The following ZMAT4 variants were observed in gnomAD, a reference collection of about 807,000 sequenced individuals.
The protein encoded by ZMAT4 is zinc finger matrin-type 4, also known as zinc finger matrin-type protein 4.
ZMAT4 carries 17 observed loss-of-function variants against 28.7 expected under a neutral mutation model. The observed-to-expected ratio is 0.59, with a 90% CI of 0.41 to 0.89. The LOEUF (loss-of-function observed/expected upper bound fraction) is 0.89, where lower values mean the gene tolerates loss of function less well. ZMAT4 is among the 40% of genes least tolerant of loss of function. ZMAT4 has a pLI of 0.00. For missense variants in ZMAT4, 240 were observed against 283.8 expected, an observed-to-expected ratio of 0.85 and a Z score of 1.11; for synonymous variants, 117 against 109.2, an observed-to-expected ratio of 1.07 and a Z score of -0.44.
At chr8:40,834,757 C>A (rs1816415437) in intron 1 of ZMAT4, among the ~76,000 whole-genome samples, 1 of 152,212 alleles carries the variant, frequency 6.6e-6, no homozygotes, top group African/African-American at 2.4e-5. Context: ...CCTTCTGGAA[C>A]ATCTCCTTAC....
chr8:40,735,242 C>T (rs1322818750), intron 3 of ZMAT4, among the ~76,000 whole-genome samples: 1 of 152,200 alleles, frequency 6.6e-6, no homozygotes, highest in Non-Finnish European at 1.5e-5. Context: ...ATACCCATTA[C>T]TTAAGCACAG....
At chr8:40,731,948 T>A (rs1272881064) in intron 3 of ZMAT4, among the ~76,000 whole-genome samples, 1 of 152,194 alleles carries the variant, frequency 6.6e-6, no homozygotes, top group Non-Finnish European at 1.5e-5. Context: ...GTGGACATTA[T>A]GCTAAGTGAA....
intron 1 of ZMAT4, among the ~76,000 whole-genome samples, chr8:40,893,189 C>T (rs1189253360): frequency 6.6e-6 from 1 of 152,178 alleles, no homozygotes; most frequent in Non-Finnish European, 1.5e-5. Context: ...TCTGTTACAA[C>T]ATCTTCCGAG....
intron 3 of ZMAT4, among the ~76,000 whole-genome samples, chr8:40,724,361 G>C (rs1220403910): frequency 2.6e-5 from 4 of 152,214 alleles, no homozygotes; most frequent in Non-Finnish European, 4.4e-5. Context: ...TAAGCTGTCA[G>C]ATTTGGAGCT....
chr8:40,883,203 G>C (rs1391274162), intron 1 of ZMAT4, among the ~76,000 whole-genome samples: 1 of 152,196 alleles, frequency 6.6e-6, no homozygotes, highest in African/African-American at 2.4e-5. Flanking sequence ...GTCCTGGGCA[G>C]AGCAGTCTCC....
chr8:40,553,775 A>G (rs1215874263), intron 6 of ZMAT4, among the ~76,000 whole-genome samples: 2 of 152,188 alleles, frequency 1.3e-5, no homozygotes, highest in African/African-American at 4.8e-5. Flanking sequence ...TTCCATCTCT[A>G]TTACACTTTC....
intron 2 of ZMAT4, among the ~76,000 whole-genome samples, chr8:40,780,587 G>C (rs186212507): frequency 6.6e-6 from 1 of 152,228 alleles, no homozygotes; most frequent in Non-Finnish European, 1.5e-5. Flanking sequence ...TATGAACCAA[G>C]ACTTTTAAAT....
At chr8:40,893,211 G>A (rs1818753899) in intron 1 of ZMAT4, among the ~76,000 whole-genome samples, 1 of 152,150 alleles carries the variant, frequency 6.6e-6, no homozygotes. Flanking sequence ...TGCCCTCATG[G>A]ATTCCAGCTC....
intron 2 of ZMAT4, among the ~76,000 whole-genome samples, chr8:40,820,611 T>C (rs1177158150): frequency 1.6e-5 from 2 of 123,198 alleles, no homozygotes; most frequent in African/African-American, 2.9e-5. Flanking sequence ...AGTGCATGTG[T>C]GTGTATGTGT....
chr8:40,581,177 T>C lies in ZMAT4; in HGVS notation c.662A>G (p.Lys221Arg), dbSNP rs1804451802. The C allele has an allele frequency of 1.9e-6, 3 of 1,613,038 alleles. No homozygotes were observed. The highest frequency in any genetic ancestry group is 2.5e-6 in the Non-Finnish European group (3 of 1,179,346). Residue 221 changes from lysine (K) to arginine (R), a missense_variant, in exon 6 of 7, where the codon AAA (lysine) becomes AGA (arginine). Coordinates refer to ENST00000297737, the MANE Select transcript of ZMAT4 (RefSeq NM_024645.3). ...CAAAAGTACCTACTTGGTCTGGTGTTTAGATCCTTTCAGATGGGCATGATA... is the reference window on the plus strand; with the variant it reads ...CAAAAGTACCTACTTGGTCTGGTGTCTAGATCCTTTCAGATGGGCATGATA... ...EQYHAHLKGS[K>R]HQTNLKNK
intron 5 of ZMAT4, among the ~76,000 whole-genome samples, chr8:40,613,167 T>TTTTA (rs1224003306): frequency 1.5e-4 from 14 of 92,892 alleles, no homozygotes; most frequent in Non-Finnish European, 1.0e-4. Context: ...TTTCTTTCTT[T>TTTTA]CTTACTTTCT....
At chr8:40,865,104 C>T (rs146001918) in intron 1 of ZMAT4, among the ~76,000 whole-genome samples, 4 of 152,230 alleles carry the variant, frequency 2.6e-5, no homozygotes, top group East Asian at 1.9e-4. Flanking sequence ...TTTAAACGTA[C>T]GCTTTTTGCA....
chr8:40,645,874 T>C (rs1246524814), intron 5 of ZMAT4, among the ~76,000 whole-genome samples: 2 of 152,266 alleles, frequency 1.3e-5, no homozygotes, highest in East Asian at 3.9e-4. Context: ...AATATGTATA[T>C]ATAATGTATA....
At chr8:40,670,040 C>A (rs1260073514) in intron 5 of ZMAT4, among the ~76,000 whole-genome samples, 1 of 152,158 alleles carries the variant, frequency 6.6e-6, no homozygotes, top group Non-Finnish European at 1.5e-5. Flanking sequence ...AGCTTTTATG[C>A]AAGATTGATT....
At chr8:40,611,369 T>C (rs535219861) in intron 5 of ZMAT4, among the ~76,000 whole-genome samples, 39 of 152,270 alleles carry the variant, frequency 2.6e-4, no homozygotes, top group African/African-American at 9.1e-4. Flanking sequence ...TTTTTTTTTT[T>C]TAAGATGGAG....
intron 5 of ZMAT4, among the ~76,000 whole-genome samples, chr8:40,657,255 A>G (rs1344692116): frequency 6.6e-6 from 1 of 152,144 alleles, no homozygotes; most frequent in Non-Finnish European, 1.5e-5. Flanking sequence ...TAATACACGT[A>G]TTTATCATTC....
At chr8:40,867,307 G>A (rs1178438912) in intron 1 of ZMAT4, among the ~76,000 whole-genome samples, 1 of 145,916 alleles carries the variant, frequency 6.9e-6, no homozygotes, top group African/African-American at 2.6e-5. Context: ...ATTTGTGTTG[G>A]GCCACATTCT....
rs528450615 is a variant in ZMAT4, at chr8:40,552,780, A to G, written c.675-20542T>C. Among the ~76,000 whole-genome samples, 6 of 152,250 alleles carry G rather than the reference A, an allele frequency of 3.9e-5. No homozygotes were observed. The East Asian group carries it at 9.7e-4, about 25-fold the overall frequency. On this transcript the variant is annotated intron_variant, in intron 6 of 6. Coordinates refer to ENST00000297737, the MANE Select transcript of ZMAT4 (RefSeq NM_024645.3). Reference sequence around the variant, plus strand: ...GCCTCTTTAACTTTGACTATAGCGCAATGTAGTAGTGTTAAAAATACATCC... The same window carrying G: ...GCCTCTTTAACTTTGACTATAGCGCGATGTAGTAGTGTTAAAAATACATCC...
chr8:40,618,247 G>C (rs917279676), intron 5 of ZMAT4, among the ~76,000 whole-genome samples: 1 of 152,106 alleles, frequency 6.6e-6, no homozygotes. Flanking sequence ...CAAATTCTTT[G>C]TCCTGGCATG....
Sources: gnomAD v4.1 joint callset for allele counts (sites outside exome capture counted in the v4.1 genomes callset) on GRCh38, gnomAD v4.1.1 for gene constraint, MANE v1.5 for transcripts, NCBI Gene and HGNC (gene_info 2026-07-23, HGNC 2026-07-21) for gene names.